PTH1R: variants seen among roughly 807,000 people sequenced by gnomAD.
PTH1R encodes parathyroid hormone 1 receptor.
A neutral mutation model predicts 70.7 loss-of-function variants in PTH1R; 32 were observed. The observed-to-expected ratio is 0.45, with a 90% CI of 0.34 to 0.61. PTH1R has a LOEUF of 0.61. Ranked by LOEUF, PTH1R falls within the 20% of genes least tolerant of loss-of-function variation. The pLI is 0.01. For missense variants in PTH1R, 626 were observed against 792.5 expected, an observed-to-expected ratio of 0.79 and a Z score of 2.52; for synonymous variants, 329 against 324.8, an observed-to-expected ratio of 1.01 and a Z score of -0.14.
At chr3:46,897,826 TCC>T in intron 5 of PTH1R, 27 bp from the exon 6 acceptor site, 5 of 1,593,606 alleles carry the variant, frequency 3.1e-6, no homozygotes, top group Non-Finnish European at 4.3e-6. Context: ...TCCCTTGGTA[TCC>T]CCTACCCTGT....
chr3:46,898,631 C>T, intron 8 of PTH1R, 31 bp from the exon 9 acceptor site: 1 of 1,609,932 alleles, frequency 6.2e-7, no homozygotes, highest in East Asian at 2.2e-5. Flanking sequence ...TCCCCGTGCC[C>T]CCACCCACGG....
intron 1 of PTH1R, among the ~76,000 whole-genome samples, chr3:46,880,604 G>T (rs1328436639): frequency 6.6e-6 from 1 of 152,150 alleles, no homozygotes; most frequent in East Asian, 1.9e-4. Flanking sequence ...AGCCAGGTTG[G>T]TGGTACACAC....
chr3:46,895,318 G>A (rs1038941246), intron 4 of PTH1R, among the ~76,000 whole-genome samples: 3 of 152,140 alleles, frequency 2.0e-5, no homozygotes, highest in Non-Finnish European at 2.9e-5. Flanking sequence ...CTTAATTTTC[G>A]CTATGTAACC....
rs1402334561 is a variant in PTH1R at position 46,901,457 on chromosome 3, G to A, written c.1093G>A (p.Val365Met). ...CGGGAACAAAAAGTGGATCATCCAG[G>A]TGCCCATCCTGGCCTCCATTGTGGT... ...SSGNKKWIIQ[V>M]PILASIVLNF... The change falls in exon 12 of 16, where the codon GTG (valine) becomes ATG (methionine). Residue 365 changes from valine to methionine, a missense_variant. This residue lies in a region of PTH1R where 495 missense variants were observed against 638.7 expected (regional missense o/e 0.77). Transcript: ENST00000449590. This position sits in a 1 kb window ranked among gnomAD's most constrained non-coding sequence, Gnocchi z 7.3. 3 of 1,576,044 alleles carry A rather than the reference G, an allele frequency of 1.9e-6. No individual in the cohort carries two copies. The highest frequency in any genetic ancestry group is 1.7e-6 in the Non-Finnish European group (2 of 1,160,142).
chr3:46,897,403 C>G (rs1474787101), intron 5 of PTH1R, among the ~76,000 whole-genome samples: 2 of 152,228 alleles, frequency 1.3e-5, no homozygotes, highest in African/African-American at 4.8e-5. Flanking sequence ...CCTGAATTTT[C>G]CTGCTTGGGG....
At chr3:46,889,434 G>A (rs2031259273) in intron 3 of PTH1R, among the ~76,000 whole-genome samples, 1 of 152,198 alleles carries the variant, frequency 6.6e-6, no homozygotes, top group South Asian at 2.1e-4. Flanking sequence ...GGGTACCCGT[G>A]TGGCTGGGCA....
At chr3:46,894,449 C>T (rs1035217115) in intron 4 of PTH1R, among the ~76,000 whole-genome samples, 33 of 152,276 alleles carry the variant, frequency 2.2e-4, no homozygotes, top group East Asian at 1.3e-3. Flanking sequence ...CTCACAGAGA[C>T]TCACATGGTC....
chr3:46,898,215 A>G (rs200350879), intron 7 of PTH1R, 23 bp downstream of exon 7: 313 of 1,610,012 alleles, frequency 1.9e-4, no homozygotes, highest in Non-Finnish European at 2.6e-4. Flanking sequence ...CTCCTCCCCA[A>G]CCTGACCAGG....
In PTH1R at chr3:46,882,857, G is replaced by A. The variant is rs1176461471; in HGVS notation, c.-48-655G>A. ...CAAGGATGGGGAAGGGGTGCGGGAG[G>A]CGGCTGCCGAGGGTCTGGGATCTCA... On this transcript the variant is annotated intron_variant, in intron 2 of 15. Transcript: ENST00000449590. The surrounding 1 kb of genome is among the most constrained non-coding windows in gnomAD (Gnocchi z 4.3). Among the ~76,000 whole-genome samples the A allele has an allele frequency of 6.6e-6, 1 of 151,984 alleles. No individual in the cohort carries two copies. Among genetic ancestry groups the A allele is most frequent in the Non-Finnish European group, 1.5e-5 (1 of 67,972 alleles).
rs1489144518 is a variant in PTH1R at position 46,901,976 on chromosome 3, C to G, written c.1211+116C>G. 1 of 1,142,794 alleles carries G rather than the reference C, an allele frequency of 8.8e-7. No homozygotes were observed. The highest frequency in any genetic ancestry group is 1.3e-6 in the Non-Finnish European group (1 of 782,332). 70.8% of individuals were successfully genotyped at this position (1,142,794 alleles called of 1,614,324 possible). A position where few individuals can be genotyped will look rare whatever the true frequency, so the allele number is the denominator to read the frequency against. ...TGATCCTGGGGCAAGGGAAAGGACCCAGCGTCTGACTCCCTGGCTGTCCTC... is the reference window on the plus strand; with the variant it reads ...TGATCCTGGGGCAAGGGAAAGGACCGAGCGTCTGACTCCCTGGCTGTCCTC... On this transcript the variant is annotated intron_variant, in intron 13 of 15. Transcript: ENST00000449590. The surrounding 1 kb of genome is among the most constrained non-coding windows in gnomAD (Gnocchi z 7.3).
In PTH1R at chr3:46,902,748, G is replaced by A. The variant is rs2032204855; in HGVS notation, c.1354-1G>A. ...CTGATTCGAGACACCCCTCTTCACA[G>A]GGATTTTTTGTCGCAATCATATACT... On this transcript the variant is annotated splice_acceptor_variant, in intron 14 of 15. Transcript: ENST00000449590. LOFTEE classifies it high-confidence loss of function. The surrounding 1 kb of genome is among the most constrained non-coding windows in gnomAD (Gnocchi z 5.4). The A allele has an allele frequency of 6.2e-7, 1 of 1,613,984 alleles. No individual in the cohort carries two copies. The highest frequency in any genetic ancestry group is 8.5e-7 in the Non-Finnish European group (1 of 1,180,018).
intron 10 of PTH1R, among the ~76,000 whole-genome samples, chr3:46,900,211 C>T (rs574824828): frequency 7.2e-5 from 11 of 152,334 alleles, no homozygotes; most frequent in African/African-American, 2.6e-4. Flanking sequence ...TGACCCTGAC[C>T]TCACCATGAC....
Position 46,901,035 on chromosome 3 carries a change from T to C in PTH1R, c.999T>C (p.Ala333=). Residue 333 remains alanine, a synonymous_variant, in exon 11 of 16, where the codon GCT becomes GCC. Coordinates refer to ENST00000449590, the MANE Select transcript of PTH1R (RefSeq NM_000316.3). This position sits in a 1 kb window ranked among gnomAD's most constrained non-coding sequence, Gnocchi z 7.3. ...GFTVFGWGLP[A]VFVAVWVSVR... The stretch of plus-strand genomic sequence containing the variant: ...CCTCTGTGCCCACAGGTCTGCCCGC[T>C]GTCTTCGTGGCTGTGTGGGTCAGTG... 6.3e-7 allele frequency: 1 copy of C among 1,583,864 alleles called. No homozygotes were observed. The highest frequency in any genetic ancestry group is 1.3e-5 in the African/African-American group (1 of 74,778).
At position 46,883,635 on chromosome 3, in the gene PTH1R, G is replaced by T; in HGVS notation, c.75+1G>T. ...CGTGCTCAGCTCCGCGTACGCGCTG[G>T]TGAGTCCCCCGCCGCCAACACTCCG... On this transcript the variant is annotated splice_donor_variant, in intron 3 of 15. Transcript: ENST00000449590. LOFTEE classifies it high-confidence loss of function. The surrounding 1 kb of genome is among the most constrained non-coding windows in gnomAD (Gnocchi z 6.4). 2 of 1,545,668 alleles carry T rather than the reference G, an allele frequency of 1.3e-6. No homozygotes were observed. The highest frequency in any genetic ancestry group is 1.7e-6 in the Non-Finnish European group (2 of 1,146,780).
chr3:46,897,792 G>GCCTT, intron 5 of PTH1R, 63 bp from the exon 6 acceptor site: 1 of 1,378,834 alleles, frequency 7.3e-7, no homozygotes, highest in Non-Finnish European at 1.0e-6. Flanking sequence ...CATCCTTCTG[G>GCCTT]GTCACTAATC....
chr3:46,898,120 G>T lies in PTH1R; in HGVS notation c.471G>T (p.Val157=), dbSNP rs773479351. 6.2e-7 allele frequency: 1 copy of T among 1,614,248 alleles called. No individual in the cohort carries two copies. The highest frequency in any genetic ancestry group is 1.7e-5 in the Admixed American group (1 of 60,032). The change falls in exon 7 of 16, where the codon GTG becomes GTT. Residue 157 remains valine (V), a synonymous_variant. Coordinates refer to ENST00000449590, the MANE Select transcript of PTH1R (RefSeq NM_000316.3). ...ACCGCAATGGCAGCTGGGAGCTGGT[G>T]CCTGGGCACAACAGGACGTGGGCCA... ...RCDRNGSWEL[V]PGHNRTWANY... is the part of the protein sequence containing the mutation.
intron 3 of PTH1R, among the ~76,000 whole-genome samples, chr3:46,890,844 G>A (rs2106994168): frequency 6.6e-6 from 1 of 152,258 alleles, no homozygotes; most frequent in East Asian, 1.9e-4. Flanking sequence ...GAAAACTGAG[G>A]CACACGGGTT....
chr3:46,894,496 G>A (rs564162498), intron 4 of PTH1R, among the ~76,000 whole-genome samples: 2 of 152,282 alleles, frequency 1.3e-5, no homozygotes, highest in East Asian at 3.9e-4. Context: ...AGCCCCAACA[G>A]TGGCTCCCAG....
chr3:46,887,308 C>T (rs2031097598), intron 3 of PTH1R, among the ~76,000 whole-genome samples: 1 of 151,852 alleles, frequency 6.6e-6, no homozygotes, highest in African/African-American at 2.4e-5. Context: ...TGAATATGTT[C>T]TTATAAAAGA....
Sources: gnomAD v4.1 joint callset for allele counts (sites outside exome capture counted in the v4.1 genomes callset) on GRCh38, gnomAD v4.1.1 for gene constraint, gnomAD v4.1.1 regional missense constraint, Gnocchi (gnomAD v3.1) non-coding constraint, MANE v1.5 for transcripts, NCBI Gene and HGNC (gene_info 2026-07-23, HGNC 2026-07-21) for gene names.